The following ARHGAP11B variants were observed in gnomAD, a reference collection of about 807,000 sequenced individuals.
ARHGAP11B encodes the protein inactive Rho GTPase-activating protein 11B.
ARHGAP11B carries 14 observed loss-of-function variants against 27.6 expected under a neutral mutation model. The ratio of observed to expected loss-of-function variants is 0.51; its 90% CI spans 0.34 to 0.79. The LOEUF is 0.79. Among genes scored for constraint, ARHGAP11B ranks in the 30% least tolerant of loss-of-function variants. The pLI, the probability that ARHGAP11B is intolerant of heterozygous loss-of-function variation, is 0.02. For missense variants in ARHGAP11B, 245 were observed against 320.1 expected (o/e 0.77, Z 1.79); for synonymous variants, 82 against 114.1 (o/e 0.72, Z 1.80).
chr15:30,644,896 G>A (rs1470711848), intron 8 of ARHGAP11B, among the ~76,000 whole-genome samples: 1 of 152,044 alleles, frequency 6.6e-6, no homozygotes, highest in Non-Finnish European at 1.5e-5. Context: ...GTTGACATGA[G>A]TCTGGGCTGC....
chr15:30,637,470 T>TA lies in ARHGAP11B; in HGVS notation c.*4-1275dup, dbSNP rs553326227. On this transcript the variant is annotated intron_variant, in intron 6 of 10. Transcript: ENST00000428041. The stretch of plus-strand genomic sequence containing the variant: ...ATCTTCTTGGCCGGGTGCGATGGCT[T>TA]ACGCCTGTAATTCCAGCACTCTGGG... Among the ~76,000 whole-genome samples, 80 of 152,200 alleles carry TA rather than the reference T, an allele frequency of 5.3e-4. 1 individual carries two copies. The highest frequency in any genetic ancestry group is 1.9e-3 in the African/African-American group (80 of 41,562).
At chr15:30,639,053 ATCT>A (rs2060299525) in intron 7 of ARHGAP11B, among the ~76,000 whole-genome samples, 1 of 151,962 alleles carries the variant, frequency 6.6e-6, no homozygotes, top group Admixed American at 6.6e-5. Context: ...TATGTCTTTA[ATCT>A]TCTTAATCAT....
chr15:30,635,193 G>C lies in ARHGAP11B; in HGVS notation c.660+5G>C. Reference sequence around the variant, plus strand: ...TCTTCTAACGCAGAAAAGAAGGTACGATTACAGGCTGCAGTAGTACAGACT... The same window carrying C: ...TCTTCTAACGCAGAAAAGAAGGTACCATTACAGGCTGCAGTAGTACAGACT... On this transcript the variant is annotated splice_donor_5th_base_variant and intron_variant, in intron 5 of 10. Transcript: ENST00000428041. The C allele has an allele frequency of 1.2e-6, 2 of 1,612,578 alleles. No homozygotes were observed. The highest frequency in any genetic ancestry group is 1.7e-6 in the Non-Finnish European group (2 of 1,178,972).
exon 11 of ARHGAP11B, chr15:30,648,784 A>G (rs902710236): frequency 6.6e-6 from 1 of 152,014 alleles, no homozygotes; most frequent in African/African-American, 2.4e-5. Flanking sequence ...TATAATAATT[A>G]TTCTTCGATG....
Position 30,636,574 on chromosome 15 carries a change from T to C in ARHGAP11B, c.*3+941T>C, listed in dbSNP as rs1263632684. Among the ~76,000 whole-genome samples, 3 of 152,222 alleles carry C rather than the reference T, an allele frequency of 2.0e-5. No homozygotes were observed. The East Asian group carries it at 5.8e-4, about 29-fold the overall frequency. On this transcript the variant is annotated intron_variant, in intron 6 of 10. Coordinates refer to ENST00000428041, the Ensembl canonical transcript of ARHGAP11B. Reference sequence around the variant, plus strand: ...GTTTCTTCTTTACCTCCTTTGTAGATAGGATAATACTGATGACTTATGTAT... The same window carrying C: ...GTTTCTTCTTTACCTCCTTTGTAGACAGGATAATACTGATGACTTATGTAT...
chr15:30,641,231 A>C (rs1215920042), intron 7 of ARHGAP11B, among the ~76,000 whole-genome samples: 1 of 152,080 alleles, frequency 6.6e-6, no homozygotes, highest in Admixed American at 6.6e-5. Context: ...TGCAAAATTG[A>C]AAATAGATTG....
At chr15:30,634,887 A>T (rs1359996969) in intron 4 of ARHGAP11B, among the ~76,000 whole-genome samples, 193 bp from the exon 5 acceptor site, 1 of 151,586 alleles carries the variant, frequency 6.6e-6, no homozygotes, top group Non-Finnish European at 1.5e-5. Flanking sequence ...TTTTTAGAAT[A>T]CATATTTAAA....
At chr15:30,629,602 C>A (rs116615494) in intron 1 of ARHGAP11B, among the ~76,000 whole-genome samples, 1 of 151,970 alleles carries the variant, frequency 6.6e-6, no homozygotes, top group Non-Finnish European at 1.5e-5. Flanking sequence ...CTCTCTTAAG[C>A]CCTTACCATA....
intron 6 of ARHGAP11B, among the ~76,000 whole-genome samples, chr15:30,636,779 T>G (rs1041530514): frequency 1.3e-5 from 2 of 152,096 alleles, no homozygotes; most frequent in Admixed American, 6.6e-5. Context: ...CTGTCAGTCC[T>G]TAGCATTCCT....
At chr15:30,633,858 CCTT>C (rs2060261464) in intron 3 of ARHGAP11B, among the ~76,000 whole-genome samples, 1 of 151,634 alleles carries the variant, frequency 6.6e-6, no homozygotes, top group African/African-American at 2.4e-5. Flanking sequence ...TTGTTGTTAG[CCTT>C]CTAGAAGGAG....
chr15:30,630,208 G>A (rs1308393699), intron 1 of ARHGAP11B, among the ~76,000 whole-genome samples: 7 of 152,082 alleles, frequency 4.6e-5, no homozygotes, highest in Admixed American at 3.9e-4. Context: ...AACCTCTTCT[G>A]ATGTAATTTT....
chr15:30,631,848 G>A (rs923689716), intron 2 of ARHGAP11B, among the ~76,000 whole-genome samples: 46 of 147,418 alleles, frequency 3.1e-4, no homozygotes, highest in Non-Finnish European at 5.1e-4. Flanking sequence ...GTGCAATGGC[G>A]TGATCTCGGC....
intron 7 of ARHGAP11B, among the ~76,000 whole-genome samples, chr15:30,642,853 G>C (rs1183798781): frequency 6.6e-6 from 1 of 151,190 alleles, no homozygotes; most frequent in Non-Finnish European, 1.5e-5. Context: ...CTTTTTCTTA[G>C]CTGAGTTGGG....
At chr15:30,637,726 T>C (rs2060289591) in intron 6 of ARHGAP11B, among the ~76,000 whole-genome samples, 1 of 151,298 alleles carries the variant, frequency 6.6e-6, no homozygotes, top group Admixed American at 6.6e-5. Flanking sequence ...ATAGCGAGAC[T>C]CCGTCTCAAA....
intron 10 of ARHGAP11B, among the ~76,000 whole-genome samples, chr15:30,648,131 T>C (rs1240503305): frequency 6.6e-6 from 1 of 152,022 alleles, no homozygotes; most frequent in African/African-American, 2.4e-5. Context: ...GGTTATAAAA[T>C]ACTTCAACCC....
At chr15:30,631,451 A>G (rs183604113) in intron 2 of ARHGAP11B, among the ~76,000 whole-genome samples, 12 of 152,186 alleles carry the variant, frequency 7.9e-5, no homozygotes, top group African/African-American at 2.9e-4. Context: ...GCTTGAGCTC[A>G]GGATTTTGAG....
Position 30,634,268 on chromosome 15 carries a change from T to G in ARHGAP11B, c.396T>G (p.Ile132Met), listed in dbSNP as rs754636191. ...TTTTTAGGGAACTGCCAGAGCCCAT[T>G]CTCCCAGCTGATTTGCATGAAGCAC... Residue 132 changes from isoleucine to methionine, a missense_variant, in exon 4 of 11, where the codon ATT (isoleucine) becomes ATG (methionine). Ile to Met is a conservative substitution (Grantham distance 10). Around this residue, in one of 3 missense-constraint regions of ARHGAP11B, gnomAD observed 129 missense variants for 159.9 expected, o/e 0.81. Transcript: ENST00000428041. 5 of 1,612,908 alleles carry G rather than the reference T, an allele frequency of 3.1e-6. No homozygotes were observed. The East Asian group carries it at 8.9e-5, about 29-fold the overall frequency.
intron 7 of ARHGAP11B, among the ~76,000 whole-genome samples, chr15:30,639,993 T>TGC (rs2060305658): frequency 1.3e-5 from 2 of 151,672 alleles, no homozygotes; most frequent in African/African-American, 4.8e-5. Context: ...TGTGTGTGTG[T>TGC]GTGTGTGTGT....
chr15:30,642,263 A>G (rs1004659630), intron 7 of ARHGAP11B, among the ~76,000 whole-genome samples: 19 of 151,842 alleles, frequency 1.3e-4, no homozygotes, highest in African/African-American at 4.6e-4. Context: ...CCTGGGTGTG[A>G]TTCAAACATA....
Sources: gnomAD v4.1 joint callset for allele counts (sites outside exome capture counted in the v4.1 genomes callset) on GRCh38, gnomAD v4.1.1 for gene constraint, gnomAD v4.1.1 regional missense constraint, MANE v1.5 for transcripts, NCBI Gene and HGNC (gene_info 2026-07-23, HGNC 2026-07-21) for gene names.